Variants in ITGA6 observed in about 807,000 individuals in gnomAD.
The protein encoded by ITGA6 is integrin subunit alpha 6, also known as integrin alpha-6.
Under a neutral mutation model 133.6 loss-of-function variants are expected in ITGA6, and 63 were observed. The observed-to-expected ratio is 0.47, with a 90% CI of 0.38 to 0.58. ITGA6 has a LOEUF of 0.58. ITGA6 is among the 20% of genes least tolerant of loss of function. The pLI, the probability that ITGA6 is intolerant of heterozygous loss-of-function variation, is 0.00. For synonymous variants in ITGA6, 434 were observed against 482.0 expected, an observed-to-expected ratio of 0.90 and a Z score of 1.30; for missense variants, 1,068 against 1,309.4, an observed-to-expected ratio of 0.82 and a Z score of 2.85.
At chr2:172,461,257 G>A (rs896203922) in intron 1 of ITGA6, among the ~76,000 whole-genome samples, 1 of 152,136 alleles carries the variant, frequency 6.6e-6, no homozygotes, top group Non-Finnish European at 1.5e-5. Context: ...TATCGTTAAA[G>A]ATGATTTTGT....
chr2:172,470,649 C>T (rs1433640692), intron 4 of ITGA6, among the ~76,000 whole-genome samples: 4 of 152,132 alleles, frequency 2.6e-5, no homozygotes, highest in African/African-American at 4.8e-5. Context: ...ATATATATAT[C>T]AAGTTCATGT....
At chr2:172,482,293 A>G (rs189567082) in intron 11 of ITGA6, among the ~76,000 whole-genome samples, 115 of 152,354 alleles carry the variant, frequency 7.5e-4, no homozygotes, top group African/African-American at 2.6e-3. Context: ...TTACTTCCAC[A>G]GTAAATTCTA....
intron 11 of ITGA6, among the ~76,000 whole-genome samples, chr2:172,482,938 A>G (rs575397692): frequency 6.6e-6 from 1 of 152,296 alleles, no homozygotes; most frequent in African/African-American, 2.4e-5. Context: ...CATAAATCAT[A>G]TGTCTATCAG....
intron 1 of ITGA6, among the ~76,000 whole-genome samples, chr2:172,458,486 G>A (rs16860448): frequency 0.021 from 3,187 of 152,248 alleles, 105 homozygotes; most frequent in African/African-American, 0.072. Flanking sequence ...AGGGCTTCTA[G>A]TGTGAATGCT....
chr2:172,441,608 G>T (rs1179821490), intron 1 of ITGA6, among the ~76,000 whole-genome samples: 1 of 137,964 alleles, frequency 7.2e-6, no homozygotes, highest in Non-Finnish European at 1.6e-5. Flanking sequence ...AAACCTCAGT[G>T]CATAAGACAC....
intron 4 of ITGA6, 81 bp downstream of exon 4, chr2:172,469,461 G>A (rs1685824279): frequency 1.1e-6 from 1 of 941,860 alleles, no homozygotes; most frequent in African/African-American, 2.2e-5. Flanking sequence ...GAGCTAAAAT[G>A]TGTTAGAAGA....
At chr2:172,440,603 A>G (rs1041502402) in intron 1 of ITGA6, among the ~76,000 whole-genome samples, 2 of 152,196 alleles carry the variant, frequency 1.3e-5, no homozygotes, top group African/African-American at 4.8e-5. Context: ...TATTAGTGGC[A>G]ATGAAATTTA....
At chr2:172,453,025 G>T (rs16860418) in intron 1 of ITGA6, among the ~76,000 whole-genome samples, 3,442 of 152,234 alleles carry the variant, frequency 0.023, 121 homozygotes, top group African/African-American at 0.078. Context: ...GGTGGGCCCC[G>T]TCACAGCATA....
intron 3 of ITGA6, 75 bp from the exon 4 acceptor site, chr2:172,469,050 A>G: frequency 6.7e-7 from 1 of 1,501,362 alleles, no homozygotes; most frequent in Non-Finnish European, 9.3e-7. Flanking sequence ...TGTATTGACC[A>G]TTTTATTCAT....
intron 1 of ITGA6, among the ~76,000 whole-genome samples, chr2:172,458,809 A>G (rs928990656): frequency 1.3e-5 from 2 of 152,230 alleles, no homozygotes; most frequent in Non-Finnish European, 2.9e-5. Flanking sequence ...AACTGTAGGA[A>G]AACTTCTAGG....
intron 16 of ITGA6, 36 bp from the exon 17 acceptor site, chr2:172,487,692 C>A: frequency 6.3e-7 from 1 of 1,586,876 alleles, no homozygotes; most frequent in Non-Finnish European, 8.7e-7. Context: ...TGTCTGTATG[C>A]ATGGCCTGTG....
At chr2:172,465,248 G>A (rs760079754) in intron 1 of ITGA6, 77 of 480,890 alleles carry the variant, frequency 1.6e-4, no homozygotes, top group Middle Eastern at 5.9e-4. Context: ...TGAAGAGGGT[G>A]TCTTTTAAAC....
chr2:172,475,799 A>G lies in ITGA6; in HGVS notation c.1269+114A>G, dbSNP rs1686148703. 11 of 697,578 alleles carry G rather than the reference A, an allele frequency of 1.6e-5. No homozygotes were observed. In the South Asian group the frequency reaches 1.8e-4, roughly 11 times the overall value. The allele number at this position is 697,578 out of a possible 1,614,324, so 43.2% of individuals were successfully genotyped here. ...ATCTTATTTTATTTACAAGTCCACA[A>G]TAGTATAAATTTTTTAAAAATGTAT... On this transcript the variant is annotated intron_variant, in intron 8 of 25. Transcript: ENST00000684293.
At chr2:172,445,688 C>G (rs1247343842) in intron 1 of ITGA6, among the ~76,000 whole-genome samples, 2 of 151,206 alleles carry the variant, frequency 1.3e-5, no homozygotes, top group Admixed American at 6.6e-5. Flanking sequence ...GCCTGAAAGA[C>G]CTCTTTTGGT....
intron 1 of ITGA6, among the ~76,000 whole-genome samples, chr2:172,449,759 T>G (rs758446304): frequency 2.0e-5 from 3 of 151,902 alleles, no homozygotes; most frequent in Admixed American, 6.6e-5. Context: ...CCGTCTCTAC[T>G]AAAAATACAA....
chr2:172,436,376 G>A (rs1684320941), intron 1 of ITGA6, among the ~76,000 whole-genome samples: 1 of 152,204 alleles, frequency 6.6e-6, no homozygotes, highest in South Asian at 2.1e-4. Context: ...CACCTTCTAA[G>A]GCTTGCCCTA....
At chr2:172,458,549 A>C (rs1685306541) in intron 1 of ITGA6, among the ~76,000 whole-genome samples, 1 of 152,246 alleles carries the variant, frequency 6.6e-6, no homozygotes, top group African/African-American at 2.4e-5. Context: ...AGTGGTTTGC[A>C]GTCTGATAAC....
intron 20 of ITGA6, 86 bp from the exon 21 acceptor site, chr2:172,490,938 G>GAA: frequency 1.2e-6 from 1 of 800,514 alleles, no homozygotes. Flanking sequence ...ATCTGGCACT[G>GAA]TTTGGGAGGA....
At chr2:172,446,934 G>A (rs1401559782) in intron 1 of ITGA6, among the ~76,000 whole-genome samples, 1 of 152,148 alleles carries the variant, frequency 6.6e-6, no homozygotes, top group African/African-American at 2.4e-5. Context: ...GTCTCACTCT[G>A]TTGCCCAGGC....
Sources: gnomAD v4.1 joint callset for allele counts (sites outside exome capture counted in the v4.1 genomes callset) on GRCh38, gnomAD v4.1.1 for gene constraint, MANE v1.5 for transcripts, NCBI Gene and HGNC (gene_info 2026-07-23, HGNC 2026-07-21) for gene names.